UNC13B: variants seen among roughly 807,000 people sequenced by gnomAD.
The protein encoded by UNC13B is unc-13 homolog B, also known as protein unc-13 homolog B.
In UNC13B, 144 loss-of-function variants were observed where a neutral mutation model predicts 211.0. That is an observed-to-expected ratio of 0.68 (90% confidence interval 0.60 to 0.78). The LOEUF (loss-of-function observed/expected upper bound fraction) is 0.78, where lower values mean the gene tolerates loss of function less well. UNC13B is among the 30% of genes least tolerant of loss of function. The pLI is 0.00. For missense variants in UNC13B, 1,777 were observed against 2,002.0 expected (o/e 0.89, Z 2.14); for synonymous variants, 709 against 725.8 (o/e 0.98, Z 0.37).
chr9:35,212,263 G>A lies in UNC13B; in HGVS notation c.23-15752G>A, dbSNP rs150207025. On this transcript the variant is annotated intron_variant, in intron 1 of 39. Coordinates refer to ENST00000635942, the MANE Select transcript of UNC13B (RefSeq NM_001371189.2). ...GAGAAAAAATATCCCATCCACAGTA[G>A]CACAGAGGTATAAAATATCTAAGAA... Among the ~76,000 whole-genome samples the A allele has an allele frequency of 2.1e-3, 325 of 152,228 alleles. 1 individual carries two copies. Among genetic ancestry groups the A allele is most frequent in the Middle Eastern group, 6.8e-3 (2 of 294 alleles).
Position 35,398,375 on chromosome 9 carries a change from G to A in UNC13B, c.11832+87G>A, listed in dbSNP as rs539819279. 76 of 1,484,086 alleles carry A rather than the reference G, an allele frequency of 5.1e-5. 1 individual carries two copies. The South Asian group carries it at 7.9e-4, about 15-fold the overall frequency. 91.9% of individuals were successfully genotyped at this position (1,484,086 alleles called of 1,614,324 possible). A position where few individuals can be genotyped will look rare whatever the true frequency, so the allele number is the denominator to read the frequency against. On this transcript the variant is annotated intron_variant, in intron 31 of 39. Transcript: ENST00000635942. Reference sequence around the variant, plus strand: ...GAACTCCACCCTCTCTTAACTAGGTGTAGGCCAGGAATTTAGCTTGGGGTC... The same window carrying A: ...GAACTCCACCCTCTCTTAACTAGGTATAGGCCAGGAATTTAGCTTGGGGTC...
At chr9:35,184,773 G>GAAGA (rs1822252436) in intron 1 of UNC13B, among the ~76,000 whole-genome samples, 2 of 105,288 alleles carry the variant, frequency 1.9e-5, no homozygotes, top group African/African-American at 7.3e-5. Context: ...AGGAAGGAAG[G>GAAGA]AAGGAAGGAG....
At position 35,381,128 on chromosome 9, in the gene UNC13B, A is replaced by C; in HGVS notation, c.10404A>C (p.Ser3468=). 6.2e-7 allele frequency: 1 copy of C among 1,614,128 alleles called. No homozygotes were observed. The highest frequency in any genetic ancestry group is 1.3e-5 in the African/African-American group (1 of 75,046). The part of the protein sequence containing the change: ...LEKRTDKSAV[S]GAIRLQISVE... Reference sequence around the variant, plus strand: ...AGAGGACAGACAAATCAGCCGTCTCAGGGGCTATCCGACTACAAATCAGTG... The same window carrying C: ...AGAGGACAGACAAATCAGCCGTCTCCGGGGCTATCCGACTACAAATCAGTG... Residue 3468 remains serine (S), a synonymous_variant, in exon 19 of 40, where the codon TCA becomes TCC. Coordinates refer to ENST00000635942, the MANE Select transcript of UNC13B (RefSeq NM_001371189.2).
intron 7 of UNC13B, among the ~76,000 whole-genome samples, chr9:35,289,418 C>T (rs1828970792): frequency 1.3e-5 from 2 of 152,000 alleles, no homozygotes; most frequent in Non-Finnish European, 2.9e-5. Flanking sequence ...GTCTTTTTTT[C>T]TGCTTCTTAT....
intron 39 of UNC13B, 53 bp downstream of exon 39, chr9:35,403,652 G>A (rs1330265851): frequency 1.1e-5 from 17 of 1,563,866 alleles, no homozygotes; most frequent in Non-Finnish European, 1.4e-5. Flanking sequence ...AGACTTGAGG[G>A]GTGGGGGGAG....
chr9:35,320,427 T>G (rs1298531861), intron 11 of UNC13B, among the ~76,000 whole-genome samples: 2 of 152,220 alleles, frequency 1.3e-5, no homozygotes, highest in Admixed American at 6.5e-5. Context: ...AGTAATGTCT[T>G]AAGAGTGGTT....
At chr9:35,194,569 T>C (rs1280322106) in intron 1 of UNC13B, among the ~76,000 whole-genome samples, 2 of 152,160 alleles carry the variant, frequency 1.3e-5, no homozygotes, top group Admixed American at 6.5e-5. Context: ...CCAGTAAATC[T>C]CACATCTGAG....
chr9:35,382,353 T>G lies in UNC13B; in HGVS notation c.10656-4T>G. 6.2e-7 allele frequency: 1 copy of G among 1,610,346 alleles called. No homozygotes were observed. Among genetic ancestry groups the G allele is most frequent in the Non-Finnish European group, 8.5e-7 (1 of 1,178,762 alleles). ...TTTGAGGCTGCGGGTGCTGTGTTTTTCAGGCACTTTGCATGTTTATCATCC... is the reference window on the plus strand; with the variant it reads ...TTTGAGGCTGCGGGTGCTGTGTTTTGCAGGCACTTTGCATGTTTATCATCC... On this transcript the variant is annotated splice_region_variant and splice_polypyrimidine_tract_variant and intron_variant, in intron 20 of 39. Transcript: ENST00000635942.
chr9:35,353,384 T>G (rs1345789983), intron 11 of UNC13B: 2 of 1,232,246 alleles, frequency 1.6e-6, no homozygotes, highest in Non-Finnish European at 2.0e-6. Context: ...TGAGAGTGGT[T>G]CCCAGTCAGA....
chr9:35,375,304 C>T, intron 14 of UNC13B, 103 bp downstream of exon 14: 1 of 1,240,782 alleles, frequency 8.1e-7, no homozygotes, highest in Middle Eastern at 1.9e-4. Context: ...TTCAAGAGTG[C>T]TGGACACACA....
intron 24 of UNC13B, among the ~76,000 whole-genome samples, chr9:35,388,599 T>A (rs1354163298): frequency 6.6e-6 from 1 of 152,140 alleles, no homozygotes; most frequent in Non-Finnish European, 1.5e-5. Context: ...GATAATAATT[T>A]CTACTAAATG....
At chr9:35,325,923 G>A (rs1385728107) in intron 11 of UNC13B, among the ~76,000 whole-genome samples, 1 of 152,196 alleles carries the variant, frequency 6.6e-6, no homozygotes, top group Non-Finnish European at 1.5e-5. Flanking sequence ...TATGAATAAT[G>A]CAGCTGTGAA....
At chr9:35,207,755 CA>C (rs1313589363) in intron 1 of UNC13B, among the ~76,000 whole-genome samples, 2 of 152,242 alleles carry the variant, frequency 1.3e-5, no homozygotes, top group East Asian at 3.9e-4. Context: ...ATGCTAGATA[CA>C]AAACTCTTAT....
intron 7 of UNC13B, among the ~76,000 whole-genome samples, chr9:35,270,011 C>T (rs1018484553): frequency 9.9e-5 from 15 of 152,014 alleles, no homozygotes; most frequent in Non-Finnish European, 4.4e-5. Flanking sequence ...GATCCTGTGT[C>T]CTTTTGACAT....
intron 3 of UNC13B, among the ~76,000 whole-genome samples, chr9:35,233,610 G>A (rs924336021): frequency 2.7e-4 from 41 of 151,828 alleles, no homozygotes; most frequent in African/African-American, 9.0e-4. Context: ...CCTATCTCCC[G>A]TTCTCCTTTT....
chr9:35,306,665 A>G lies in UNC13B; in HGVS notation c.7261A>G (p.Ile2421Val), dbSNP rs1021256265. Reference sequence around the variant, plus strand: ...GGCCCCCGATGAGGTCTTACCACAGATCCTAGAGCCAGCCTCTTCCTCTCC... The same window carrying G: ...GGCCCCCGATGAGGTCTTACCACAGGTCCTAGAGCCAGCCTCTTCCTCTCC... ...EKAPDEVLPQILEPASSSPEP... is the reference protein window; with the variant it reads ...EKAPDEVLPQVLEPASSSPEP... The change falls in exon 9 of 40, where the codon ATC becomes GTC. Residue 2421 changes from isoleucine (I) to valine (V), a missense_variant. Coordinates refer to ENST00000635942, the MANE Select transcript of UNC13B (RefSeq NM_001371189.2). The G allele has an allele frequency of 4.3e-5, 17 of 398,962 alleles. No homozygotes were observed. The highest frequency in any genetic ancestry group is 3.3e-4 in the African/African-American group (16 of 48,634). The allele number at this position is 398,962 out of a possible 1,614,324, so 24.7% of individuals were successfully genotyped here. A position where few individuals can be genotyped will look rare whatever the true frequency, so the allele number is the denominator to read the frequency against.
At chr9:35,208,642 A>T (rs1187664340) in intron 1 of UNC13B, among the ~76,000 whole-genome samples, 3 of 152,136 alleles carry the variant, frequency 2.0e-5, no homozygotes, top group African/African-American at 7.2e-5. Flanking sequence ...CACACTTTTA[A>T]AACAACCAGA....
intron 11 of UNC13B, among the ~76,000 whole-genome samples, chr9:35,362,799 C>CAAA (rs36011341): frequency 1.2e-4 from 12 of 98,846 alleles, no homozygotes; most frequent in Admixed American, 1.1e-4. Context: ...GACTCCGTCT[C>CAAA]AAAAAAAAAA....
At chr9:35,193,508 A>G (rs964826634) in intron 1 of UNC13B, among the ~76,000 whole-genome samples, 1 of 151,940 alleles carries the variant, frequency 6.6e-6, no homozygotes, top group African/African-American at 2.4e-5. Context: ...TTAGCTGGGC[A>G]TGGTGGCATG....
Sources: allele counts gnomAD v4.1 joint callset (sites outside exome capture counted in the v4.1 genomes callset), GRCh38; gene constraint gnomAD v4.1.1; transcripts MANE v1.5; gene names NCBI Gene and HGNC (gene_info 2026-07-23, HGNC 2026-07-21).